Variants in SLC6A4 observed in about 807,000 individuals in gnomAD.
The protein encoded by SLC6A4 is sodium-dependent serotonin transporter.
A neutral mutation model predicts 73.4 loss-of-function variants in SLC6A4; 22 were observed. The ratio of observed to expected loss-of-function variants is 0.30; its 90% confidence interval spans 0.21 to 0.43. The LOEUF is 0.43. SLC6A4 is among the 20% of genes least tolerant of loss of function. The pLI is 1.00. For missense variants in SLC6A4, 593 were observed against 808.5 expected (o/e 0.73, Z 3.23); for synonymous variants, 270 against 315.5 (o/e 0.86, Z 1.53).
chr17:30,207,763 C>G lies in SLC6A4; in HGVS notation c.1619G>C (p.Cys540Ser). 6.2e-7 allele frequency: 1 copy of G among 1,613,906 alleles called. No individual in the cohort carries two copies. The highest frequency in any genetic ancestry group is 8.5e-7 in the Non-Finnish European group (1 of 1,179,782). The change falls in exon 13 of 15, where the codon TGC becomes TCC. Residue 540 changes from cysteine to serine, a missense_variant. Cys to Ser is a moderately radical substitution (Grantham distance 112, BLOSUM62 -1). Transcript: ENST00000650711. ...GFSPGWFWRI[C>S]WVAISPLFLL... ...AAACAGAGGGCTGATGGCCACCCAG[C>G]AGATCCTCCAGAACCACCCCGGGCT...
intron 1 of SLC6A4, among the ~76,000 whole-genome samples, chr17:30,225,409 C>G (rs1906897258): frequency 6.6e-6 from 1 of 152,184 alleles, no homozygotes; most frequent in African/African-American, 2.4e-5. Flanking sequence ...CTGGCTTTTT[C>G]TATCAAGACT....
chr17:30,200,169 A>G (rs1400048004), intron 14 of SLC6A4, among the ~76,000 whole-genome samples: 1 of 152,226 alleles, frequency 6.6e-6, no homozygotes, highest in African/African-American at 2.4e-5. Context: ...CATAAAGTCA[A>G]ACACTTGGTT....
At chr17:30,213,664 A>G (rs751254166) in intron 8 of SLC6A4, among the ~76,000 whole-genome samples, 3 of 152,248 alleles carry the variant, frequency 2.0e-5, no homozygotes, top group Admixed American at 6.5e-5. Flanking sequence ...TATCTTATGC[A>G]TAGCACAAAG....
At chr17:30,222,324 C>T (rs1405196244) in intron 2 of SLC6A4, among the ~76,000 whole-genome samples, 1 of 152,184 alleles carries the variant, frequency 6.6e-6, no homozygotes, top group Non-Finnish European at 1.5e-5. Flanking sequence ...CACAAATAGA[C>T]AGCAAATCAC....
At chr17:30,203,645 G>A in intron 13 of SLC6A4, 1 of 337,374 alleles carries the variant, frequency 3.0e-6, no homozygotes, top group South Asian at 4.3e-5. Flanking sequence ...TCCCACTTCA[G>A]CACAGGCCTC....
Position 30,212,807 on chromosome 17 carries a change from G to T in SLC6A4, c.1137C>A (p.Ile379=). 2 of 1,614,174 alleles carry T rather than the reference G, an allele frequency of 1.2e-6. No individual in the cohort carries two copies. The highest frequency in any genetic ancestry group is 1.7e-6 in the Non-Finnish European group (2 of 1,180,008). ...CMTSFVSGFV[I]FTVLGYMAEM... Reference sequence around the variant, plus strand: ...CAGCCATGTAACCGAGCACTGTGAAGATGACAAATCCCGAAACGAAGCTCG... The same window carrying T: ...CAGCCATGTAACCGAGCACTGTGAATATGACAAATCCCGAAACGAAGCTCG... Residue 379 remains isoleucine, a synonymous_variant, in exon 9 of 15, where the codon ATC becomes ATA. Coordinates refer to ENST00000650711, the MANE Select transcript of SLC6A4 (RefSeq NM_001045.6).
intron 1 of SLC6A4, among the ~76,000 whole-genome samples, chr17:30,230,532 G>C (rs534653470): frequency 2.9e-4 from 44 of 152,300 alleles, no homozygotes; most frequent in African/African-American, 9.1e-4. Flanking sequence ...ACCCAAAACA[G>C]AGAGAAGAGA....
At chr17:30,216,797 T>C (rs1203363120) in intron 6 of SLC6A4, among the ~76,000 whole-genome samples, 10 of 151,952 alleles carry the variant, frequency 6.6e-5, no homozygotes, top group Non-Finnish European at 1.2e-4. Flanking sequence ...GCCTCCCGAG[T>C]AGCTGGGATT....
At position 30,218,037 on chromosome 17, in the gene SLC6A4, C is replaced by T. The variant is rs148809914; in HGVS notation, c.698+81G>A. On this transcript the variant is annotated intron_variant, in intron 5 of 14. Transcript: ENST00000650711. The stretch of plus-strand genomic sequence containing the variant: ...CAGAAAGGGGTGAGGAGCCCTTGGC[C>T]CTGGCCTTCTTTTTAAGAAGCCAAA... 9.7e-4 allele frequency: 1,072 copies of T among 1,100,572 alleles called. 7 individuals are homozygous for T. The African/African-American group carries it at 0.015, about 15-fold the overall frequency. 68.2% of individuals were successfully genotyped at this position (1,100,572 alleles called of 1,614,324 possible).
chr17:30,216,681 T>A (rs1036306759), intron 6 of SLC6A4, among the ~76,000 whole-genome samples: 10 of 152,166 alleles, frequency 6.6e-5, no homozygotes, highest in African/African-American at 2.4e-4. Flanking sequence ...TTTTCCTTTT[T>A]TTTTTTAGTG....
chr17:30,219,039 G>C, intron 3 of SLC6A4, 108 bp from the exon 4 acceptor site: 1 of 1,350,020 alleles, frequency 7.4e-7, no homozygotes, highest in Non-Finnish European at 1.0e-6. Context: ...AGTGTCAGGA[G>C]CCACCCTGGG....
At position 30,195,818 on chromosome 17, in the gene SLC6A4, ATTT is replaced by A. The variant is rs11367656; in HGVS notation, c.*2635_*2637del. The A allele has an allele frequency of 3.6e-5, 5 of 139,044 alleles. No individual in the cohort carries two copies. Among genetic ancestry groups the A allele is most frequent in the Non-Finnish European group, 6.3e-5 (4 of 63,848 alleles). The allele number at this position is 139,044 out of a possible 1,614,324, so 8.6% of individuals were successfully genotyped here. On this transcript the variant is annotated 3_prime_UTR_variant, in exon 15 of 15. Coordinates refer to ENST00000650711, the MANE Select transcript of SLC6A4 (RefSeq NM_001045.6). ...TCTTTCCATGGAACTAAGCATAACAATTTTTTTTTTTTTTTTTGAGACGGAGTT... is the reference window on the plus strand; with the variant it reads ...TCTTTCCATGGAACTAAGCATAACAATTTTTTTTTTTTTTGAGACGGAGTT...
chr17:30,230,095 AGAGGAGGAAGAG>A (rs1276753989), intron 1 of SLC6A4, among the ~76,000 whole-genome samples: 14 of 118,224 alleles, frequency 1.2e-4, no homozygotes, highest in South Asian at 5.1e-4. Context: ...AAGAAGAAGA[AGAGGAGGAAGAG>A]GAAGAGGAAG....
At chr17:30,226,705 A>G (rs965120877) in intron 1 of SLC6A4, among the ~76,000 whole-genome samples, 1 of 151,932 alleles carries the variant, frequency 6.6e-6, no homozygotes, top group Non-Finnish European at 1.5e-5. Flanking sequence ...TGTCTCAAAT[A>G]AATAAATAAA....
At chr17:30,215,466 G>C (rs1159423464) in intron 8 of SLC6A4, 145 bp downstream of exon 8, 1 of 688,358 alleles carries the variant, frequency 1.5e-6, no homozygotes, top group South Asian at 1.7e-5. Context: ...AGCTGGTCAG[G>C]GGCCTGCAGC....
At chr17:30,201,424 C>T (rs895479113) in intron 14 of SLC6A4, among the ~76,000 whole-genome samples, 2 of 152,196 alleles carry the variant, frequency 1.3e-5, no homozygotes, top group African/African-American at 4.8e-5. Flanking sequence ...CTGTTAGTGA[C>T]ACACTTTTGG....
rs768545957 is a variant in SLC6A4, at chr17:30,210,496, T to G, written c.1449+19A>C. On this transcript the variant is annotated intron_variant, in intron 11 of 14. Coordinates refer to ENST00000650711, the MANE Select transcript of SLC6A4 (RefSeq NM_001045.6). ...GCCCTAGGGGAGGCCAACTCAAAGC[T>G]GAGGGGCATGATACTCACAAAAGTC... is the stretch of plus-strand genomic sequence containing the variant. The G allele has an allele frequency of 2.9e-5, 46 of 1,610,292 alleles. No individual in the cohort carries two copies. The highest frequency in any genetic ancestry group is 3.9e-5 in the Non-Finnish European group (46 of 1,178,148).
intron 1 of SLC6A4, among the ~76,000 whole-genome samples, chr17:30,228,743 T>C (rs762331563): frequency 6.6e-6 from 1 of 152,056 alleles, no homozygotes; most frequent in Non-Finnish European, 1.5e-5. Flanking sequence ...TCTATCCACC[T>C]CCTCTCAGCA....
rs1343720990 is a variant in SLC6A4, at chr17:30,197,146, A to C, written c.*1310T>G. On this transcript the variant is annotated 3_prime_UTR_variant, in exon 15 of 15. Transcript: ENST00000650711. ...TACCTACGCCTCTGAGAGTCACGAGACACCAAAGGCCAAATTTACTTATCT... is the reference window on the plus strand; with the variant it reads ...TACCTACGCCTCTGAGAGTCACGAGCCACCAAAGGCCAAATTTACTTATCT... 6.6e-6 allele frequency: 1 copy of C among 152,346 alleles called. No individual in the cohort carries two copies. Among genetic ancestry groups the C allele is most frequent in the Non-Finnish European group, 1.5e-5 (1 of 68,044 alleles). 9.4% of individuals were successfully genotyped at this position (152,346 alleles called of 1,614,324 possible).
Sources: gnomAD v4.1 joint callset for allele counts (sites outside exome capture counted in the v4.1 genomes callset) on GRCh38, gnomAD v4.1.1 for gene constraint, MANE v1.5 for transcripts, NCBI Gene and HGNC (gene_info 2026-07-23, HGNC 2026-07-21) for gene names.